The following MMRN1 variants were observed in gnomAD, a reference collection of about 807,000 sequenced individuals.
MMRN1 encodes multimerin 1.
Under a neutral mutation model 100.7 loss-of-function variants are expected in MMRN1, and 94 were observed. The ratio of observed to expected loss-of-function variants is 0.93; its 90% CI spans 0.79 to 1.11. The LOEUF (loss-of-function observed/expected upper bound fraction) is 1.11, where lower values mean the gene tolerates loss of function less well. MMRN1 is among the 50% of genes least tolerant of loss of function. MMRN1 has a pLI of 0.00. For synonymous variants in MMRN1, 575 were observed against 505.0 expected (o/e 1.14, Z -1.86); for missense variants, 1,606 against 1,439.1 (o/e 1.12, Z -1.88).
At chr4:89,948,033 G>A (rs1469471515) in intron 6 of MMRN1, among the ~76,000 whole-genome samples, 1 of 152,004 alleles carries the variant, frequency 6.6e-6, no homozygotes, top group Admixed American at 6.6e-5. Flanking sequence ...TGTATTTTTA[G>A]TAGAGATGGG....
intron 1 of MMRN1, among the ~76,000 whole-genome samples, chr4:89,884,871 TC>T (rs1720903323): frequency 1.3e-5 from 2 of 152,174 alleles, no homozygotes; most frequent in South Asian, 4.1e-4. Flanking sequence ...TTTCTTTTAT[TC>T]CTTATTGCAT....
Position 89,934,967 on chromosome 4 carries a change from A to T in MMRN1, c.1287A>T (p.Lys429Asn). ...AAAGCACCAGGCAAATAATTCAAAA[A>T]GTTAATGAATCTGTGGTTTCAATAG... ...DLESTRQIIQ[K>N]VNESVVSIAA... The change falls in exon 6 of 8, where the codon AAA becomes AAT. Residue 429 changes from lysine (K) to asparagine (N), a missense_variant. Lys to Asn is a moderately conservative substitution (Grantham distance 94). Transcript: ENST00000264790. The T allele has an allele frequency of 6.2e-7, 1 of 1,613,722 alleles. No homozygotes were observed. Among genetic ancestry groups the T allele is most frequent in the Non-Finnish European group, 8.5e-7 (1 of 1,179,764 alleles).
intron 6 of MMRN1, 185 bp from the exon 7 acceptor site, chr4:89,951,416 TAGAG>T (rs1179476875): frequency 2.2e-6 from 1 of 446,218 alleles, no homozygotes; most frequent in Non-Finnish European, 3.8e-6. Context: ...CTGAAGGAGA[TAGAG>T]AGATCAGAGC....
intron 1 of MMRN1, among the ~76,000 whole-genome samples, chr4:89,882,292 T>C (rs1376267063): frequency 6.6e-6 from 1 of 150,708 alleles, no homozygotes; most frequent in Non-Finnish European, 1.5e-5. Context: ...TTATTTTGTA[T>C]AACAGTATAT....
intron 1 of MMRN1, among the ~76,000 whole-genome samples, chr4:89,896,192 G>T (rs1398461929): frequency 6.6e-6 from 1 of 152,044 alleles, no homozygotes; most frequent in East Asian, 1.9e-4. Context: ...ACTTTGCAGG[G>T]TTCTCGTTCA....
At chr4:89,905,046 T>C (rs372908457) in intron 1 of MMRN1, among the ~76,000 whole-genome samples, 22 of 151,748 alleles carry the variant, frequency 1.4e-4, no homozygotes, top group East Asian at 1.4e-3. Context: ...GTCAGACTTA[T>C]AGAGTTGAGA....
intron 6 of MMRN1, among the ~76,000 whole-genome samples, chr4:89,937,503 G>A (rs919104032): frequency 6.6e-6 from 1 of 152,006 alleles, no homozygotes; most frequent in Non-Finnish European, 1.5e-5. Flanking sequence ...AGAAACAGAG[G>A]GAGAGTGGCA....
At chr4:89,887,749 A>G (rs1245659186) in intron 1 of MMRN1, among the ~76,000 whole-genome samples, 1 of 152,006 alleles carries the variant, frequency 6.6e-6, no homozygotes, top group East Asian at 1.9e-4. Context: ...ATATAACATC[A>G]GAATCTACTT....
chr4:89,914,167 G>A (rs1380528373), intron 3 of MMRN1, among the ~76,000 whole-genome samples: 1 of 151,412 alleles, frequency 6.6e-6, no homozygotes, highest in Non-Finnish European at 1.5e-5. Context: ...GCAGTAGGAA[G>A]ATCTTCTAAA....
chr4:89,913,855 C>T (rs566857891), intron 3 of MMRN1, among the ~76,000 whole-genome samples: 37 of 151,424 alleles, frequency 2.4e-4, no homozygotes, highest in Admixed American at 1.7e-3. Flanking sequence ...CTCTTTTCTA[C>T]GGAAATCTAC....
intron 2 of MMRN1, 137 bp downstream of exon 2, chr4:89,909,532 G>C: frequency 9.0e-7 from 1 of 1,117,012 alleles, no homozygotes; most frequent in East Asian, 2.7e-5. Flanking sequence ...GCTTTAGTAA[G>C]TGAAAATGCA....
chr4:89,929,196 C>T (rs1437905981), intron 5 of MMRN1, among the ~76,000 whole-genome samples: 1 of 152,046 alleles, frequency 6.6e-6, no homozygotes, highest in Admixed American at 6.6e-5. Flanking sequence ...TTCAGGATTA[C>T]TGTTTTTTTT....
In MMRN1 at chr4:89,936,071, C is replaced by G. The variant is rs981596032; in HGVS notation, c.2391C>G (p.Asn797Lys). The change falls in exon 6 of 8, where the codon AAC becomes AAG. Residue 797 changes from asparagine (N) to lysine (K), a missense_variant. By Grantham distance (94) the Asn-to-Lys change is moderately conservative. Transcript: ENST00000264790. ...TGGTCAATGACAATCAGAGATATAACTTTGTTTTGCAAGTCGCCAAGACCC... is the reference window on the plus strand; with the variant it reads ...TGGTCAATGACAATCAGAGATATAAGTTTGTTTTGCAAGTCGCCAAGACCC... ...QTLVNDNQRY[N>K]FVLQVAKTLA... 1 of 1,611,548 alleles carries G rather than the reference C, an allele frequency of 6.2e-7. No individual in the cohort carries two copies. Among genetic ancestry groups the G allele is most frequent in the African/African-American group, 1.3e-5 (1 of 74,814 alleles).
intron 1 of MMRN1, among the ~76,000 whole-genome samples, chr4:89,906,446 C>G (rs1464809927): frequency 2.0e-5 from 3 of 151,336 alleles, no homozygotes; most frequent in African/African-American, 7.3e-5. Context: ...GAGTTATTAC[C>G]CTGAAAGAGA....
chr4:89,915,165 C>T (rs575200898), intron 3 of MMRN1, among the ~76,000 whole-genome samples: 1 of 151,614 alleles, frequency 6.6e-6, no homozygotes, highest in Middle Eastern at 3.4e-3. Context: ...ATATGGGGCT[C>T]CTCCAGCAGG....
chr4:89,927,798 T>A lies in MMRN1; in HGVS notation c.959T>A (p.Val320Glu), dbSNP rs1263653345. Reference protein sequence around the residue: ...QQQQGCGDPEVMQKMTDQVNY... With the variant: ...QQQQGCGDPEEMQKMTDQVNY... ...CAATTTTCTCTTCTATATGCAGAAG[T>A]GATGCAAAAAATGACTGATCAGGTG... Residue 320 changes from valine (V) to glutamate (E), a missense_variant, in exon 5 of 8, where the codon GTG (valine) becomes GAG (glutamate). Coordinates refer to ENST00000264790, the MANE Select transcript of MMRN1 (RefSeq NM_007351.3). The A allele has an allele frequency of 6.2e-7, 1 of 1,609,840 alleles. No individual in the cohort carries two copies.
rs1722143954 is a variant in MMRN1, at chr4:89,923,165, T to C, written c.851-3T>C. The C allele has an allele frequency of 6.2e-7, 1 of 1,612,918 alleles. No homozygotes were observed. The highest frequency in any genetic ancestry group is 8.5e-7 in the Non-Finnish European group (1 of 1,179,046). On this transcript the variant is annotated splice_region_variant and splice_polypyrimidine_tract_variant and intron_variant, in intron 3 of 7. Coordinates refer to ENST00000264790, the MANE Select transcript of MMRN1 (RefSeq NM_007351.3). ...TCTCTCTTCTCTTTCTGCTTCCTTC[T>C]AGCCCAGGAACAGCAAAGTTTGATA...
Position 89,951,670 on chromosome 4 carries a change from A to G in MMRN1, c.3184A>G (p.Ser1062Gly). ...GGGCACGTGCATAAATGGAAGAACT[A>G]GCTTTACCTGTGCCTGCAGACATCC... is the stretch of plus-strand genomic sequence containing the variant. The part of the protein sequence containing the change: ...NGGTCINGRT[S>G]FTCACRHPFT... Residue 1062 changes from serine (S) to glycine (G), a missense_variant, in exon 7 of 8, where the codon AGC becomes GGC. Transcript: ENST00000264790. 1 of 1,590,630 alleles carries G rather than the reference A, an allele frequency of 6.3e-7. No individual in the cohort carries two copies. Among genetic ancestry groups the G allele is most frequent in the Non-Finnish European group, 8.5e-7 (1 of 1,172,174 alleles).
Position 89,936,818 on chromosome 4 carries a change from T to A in MMRN1, c.3118+20T>A. The A allele has an allele frequency of 6.5e-7, 1 of 1,545,466 alleles. No homozygotes were observed. The highest frequency in any genetic ancestry group is 8.7e-7 in the Non-Finnish European group (1 of 1,153,030). On this transcript the variant is annotated intron_variant, in intron 6 of 7. Transcript: ENST00000264790. The stretch of plus-strand genomic sequence containing the variant: ...ATCCTGGTAAGCTGTTACTGAAAAG[T>A]AACTTTTAATCTCTCTTTTTACTTA...
Sources: gnomAD v4.1 joint callset for allele counts (sites outside exome capture counted in the v4.1 genomes callset) on GRCh38, gnomAD v4.1.1 for gene constraint, MANE v1.5 for transcripts, NCBI Gene and HGNC (gene_info 2026-07-23, HGNC 2026-07-21) for gene names.